SLC25A25: variants seen among roughly 807,000 people sequenced by gnomAD.
The protein encoded by SLC25A25 is solute carrier family 25 member 25.
A neutral mutation model predicts 57.7 loss-of-function variants in SLC25A25; 32 were observed. The observed-to-expected ratio is 0.55, with a 90% confidence interval of 0.42 to 0.74. SLC25A25 has a LOEUF of 0.74. Ranked by LOEUF, SLC25A25 falls within the 30% of genes least tolerant of loss-of-function variation. SLC25A25 has a pLI of 0.00. For synonymous variants in SLC25A25, 306 were observed against 291.2 expected, an observed-to-expected ratio of 1.05 and a Z score of -0.52; for missense variants, 556 against 701.3, an observed-to-expected ratio of 0.79 and a Z score of 2.34.
chr9:128,093,482 C>G (rs1186624252), intron 1 of SLC25A25, among the ~76,000 whole-genome samples: 2 of 152,214 alleles, frequency 1.3e-5, no homozygotes, highest in Non-Finnish European at 2.9e-5. Flanking sequence ...CAGCTCTCCC[C>G]CCAGGGACTG....
At position 128,102,085 on chromosome 9, in the gene SLC25A25, G is replaced by C; in HGVS notation, c.482G>C (p.Arg161Pro). ...ATCCTTTGTCTGTCTGTCAGAATAC[G>C]AACGGGCCATTTCTGGGGCCCTGTC... ...QQAEKILKRI[R>P]TGHFWGPVTY... is the part of the protein sequence containing the mutation. The change falls in exon 4 of 11, where the codon CGA becomes CCA. Residue 161 changes from arginine to proline, a missense_variant. Arg to Pro is a moderately radical substitution (Grantham distance 103, BLOSUM62 -2). Coordinates refer to ENST00000373069, the MANE Select transcript of SLC25A25 (RefSeq NM_001330988.2). This position sits in a 1 kb window ranked among gnomAD's most constrained non-coding sequence, Gnocchi z 4.1. 6.4e-7 allele frequency: 1 copy of C among 1,550,562 alleles called. No individual in the cohort carries two copies. Among genetic ancestry groups the C allele is most frequent in the East Asian group, 2.4e-5 (1 of 40,924 alleles).
intron 1 of SLC25A25, among the ~76,000 whole-genome samples, chr9:128,068,900 C>T (rs1333809323): frequency 6.6e-6 from 1 of 152,192 alleles, no homozygotes; most frequent in Non-Finnish European, 1.5e-5. Context: ...GACCTCAAGG[C>T]CAAGCTGGAC....
intron 1 of SLC25A25, chr9:128,091,813 G>T: frequency 1.3e-6 from 2 of 1,544,920 alleles, no homozygotes; most frequent in Non-Finnish European, 8.7e-7. Flanking sequence ...CGTTGGTACT[G>T]TGGTCACATC....
intron 1 of SLC25A25, among the ~76,000 whole-genome samples, chr9:128,071,567 A>ATTTTTT (rs369801313): frequency 1.5e-5 from 2 of 137,646 alleles, no homozygotes; most frequent in Non-Finnish European, 1.5e-5. Context: ...CGCCCTGCTA[A>ATTTTTT]TTTTTTTTTT....
intron 1 of SLC25A25, among the ~76,000 whole-genome samples, chr9:128,086,865 A>G (rs1029121964): frequency 6.6e-6 from 1 of 152,208 alleles, no homozygotes; most frequent in Non-Finnish European, 1.5e-5. Flanking sequence ...TACACACGTT[A>G]TAAACCCACA....
chr9:128,087,308 G>A (rs1333808650), intron 1 of SLC25A25, among the ~76,000 whole-genome samples: 1 of 152,126 alleles, frequency 6.6e-6, no homozygotes, highest in Non-Finnish European at 1.5e-5. Flanking sequence ...CCAGTCTGGA[G>A]TGCGGTGCAG....
Position 128,099,302 on chromosome 9 carries a change from C to T in SLC25A25, c.262-1794C>T, listed in dbSNP as rs1224822833. 4.7e-6 allele frequency: 6 copies of T among 1,279,718 alleles called. No individual in the cohort carries two copies. Among genetic ancestry groups the T allele is most frequent in the African/African-American group, 3.1e-5 (2 of 64,976 alleles). The allele number at this position is 1,279,718 out of a possible 1,614,324, so 79.3% of individuals were successfully genotyped here. A position where few individuals can be genotyped will look rare whatever the true frequency, so the allele number is the denominator to read the frequency against. ...CCCACTGTGCACCAAGGGGGATTTGCAGATCCAAGGAAGGAGACAGAAGGA... is the reference window on the plus strand; with the variant it reads ...CCCACTGTGCACCAAGGGGGATTTGTAGATCCAAGGAAGGAGACAGAAGGA... On this transcript the variant is annotated intron_variant, in intron 1 of 10. Coordinates refer to ENST00000373069, the MANE Select transcript of SLC25A25 (RefSeq NM_001330988.2). This position sits in a 1 kb window ranked among gnomAD's most constrained non-coding sequence, Gnocchi z 6.8.
At chr9:128,070,573 G>A (rs1258276721) in intron 1 of SLC25A25, among the ~76,000 whole-genome samples, 1 of 151,598 alleles carries the variant, frequency 6.6e-6, no homozygotes, top group African/African-American at 2.4e-5. Context: ...GTTTTGTTTT[G>A]TAATGTTTCC....
intron 1 of SLC25A25, chr9:128,100,884 G>T (rs1220813303): frequency 1.7e-6 from 1 of 599,122 alleles, no homozygotes. Context: ...CCCTTGCCTG[G>T]GTTCTGGCCA....
At chr9:128,086,328 ATT>A (rs35134996) in intron 1 of SLC25A25, among the ~76,000 whole-genome samples, 101 of 95,428 alleles carry the variant, frequency 1.1e-3, no homozygotes, top group Admixed American at 1.5e-3. Flanking sequence ...TACTCGGCTA[ATT>A]TTTTTTTTTT....
rs760534129 is a variant in SLC25A25 at position 128,107,600 on chromosome 9, A to C, written c.*156A>C. On this transcript the variant is annotated 3_prime_UTR_variant, in exon 11 of 11. Transcript: ENST00000373069. ...CGCAGGGAGGGTGGGGAGAGCTGGC[A>C]GGCCCAGGGCTTGTCCTGCTGACCC... The C allele has an allele frequency of 2.4e-5, 21 of 865,044 alleles. No homozygotes were observed. The Admixed American group carries it at 5.3e-4, about 22-fold the overall frequency. 53.6% of individuals were successfully genotyped at this position (865,044 alleles called of 1,614,324 possible).
At chr9:128,074,569 C>T (rs997382637) in intron 1 of SLC25A25, among the ~76,000 whole-genome samples, 2 of 151,414 alleles carry the variant, frequency 1.3e-5, no homozygotes, top group Admixed American at 6.6e-5. Flanking sequence ...ATTAGCCGGG[C>T]GTGGTGGCAC....
intron 1 of SLC25A25, chr9:128,091,651 C>T: frequency 4.1e-6 from 5 of 1,212,152 alleles, no homozygotes; most frequent in Non-Finnish European, 5.1e-6. Flanking sequence ...TTGCCGGCAG[C>T]CTGGCAAGCC....
At chr9:128,098,387 G>A in intron 1 of SLC25A25, 2 of 1,252,784 alleles carry the variant, frequency 1.6e-6, no homozygotes, top group Non-Finnish European at 2.1e-6. Flanking sequence ...TTCATTGGCT[G>A]TTGGCAGGAC....
chr9:128,107,835 A>G lies in SLC25A25; in HGVS notation c.*391A>G. On this transcript the variant is annotated 3_prime_UTR_variant, in exon 11 of 11. Transcript: ENST00000373069. ...GCCCCTGCCCTCTGGTCTGCCGTGC[A>G]TCTCCCTGTGCCCTCTTGCTGCCTG... 1 of 403,814 alleles carries G rather than the reference A, an allele frequency of 2.5e-6. No homozygotes were observed. The highest frequency in any genetic ancestry group is 1.3e-4 in the South Asian group (1 of 7,780). The allele number at this position is 403,814 out of a possible 1,614,324, so 25.0% of individuals were successfully genotyped here. A position where few individuals can be genotyped will look rare whatever the true frequency, so the allele number is the denominator to read the frequency against.
Position 128,106,482 on chromosome 9 carries a change from A to G in SLC25A25, c.1174A>G (p.Ile392Val). The G allele has an allele frequency of 6.2e-7, 1 of 1,611,858 alleles. No individual in the cohort carries two copies. The highest frequency in any genetic ancestry group is 8.5e-7 in the Non-Finnish European group (1 of 1,179,758). ...AGGCTATGTCCCCAACATGCTGGGCATCATCCCCTATGCCGGCATCGACCT... is the reference window on the plus strand; with the variant it reads ...AGGCTATGTCCCCAACATGCTGGGCGTCATCCCCTATGCCGGCATCGACCT... ...YKGYVPNMLG[I>V]IPYAGIDLAV... The change falls in exon 9 of 11, where the codon ATC becomes GTC. Residue 392 changes from isoleucine (I) to valine (V), a missense_variant. Ile to Val is a conservative substitution (Grantham distance 29). This residue lies in a region of SLC25A25 where 294 missense variants were observed against 389.6 expected (regional missense o/e 0.75). Coordinates refer to ENST00000373069, the MANE Select transcript of SLC25A25 (RefSeq NM_001330988.2).
At position 128,068,430 on chromosome 9, in the gene SLC25A25, C is replaced by T; in HGVS notation, c.111C>T (p.Gly37=). The T allele has an allele frequency of 4.5e-6, 7 of 1,558,584 alleles. No homozygotes were observed. The highest frequency in any genetic ancestry group is 6.0e-6 in the Non-Finnish European group (7 of 1,162,992). The change falls in exon 1 of 11, where the codon GGC becomes GGT. Residue 37 remains glycine (G), a synonymous_variant. Transcript: ENST00000373069. ...SSPASVGDPC[G]GAICGGPDHR... is the part of the protein sequence containing the mutation. ...CGGCGTCCGTGGGGGACCCCTGCGG[C>T]GGCGCTATCTGCGGGGGCCCGGACC...
chr9:128,068,550 G>T lies in SLC25A25; in HGVS notation c.231G>T (p.Leu77=), dbSNP rs1832831960. The change falls in exon 1 of 11, where the codon CTG becomes CTT. Residue 77 remains leucine, a synonymous_variant. Coordinates refer to ENST00000373069, the MANE Select transcript of SLC25A25 (RefSeq NM_001330988.2). ...ACCTGGCGGTGGGGCTGCGGCGCCT[G>T]GGACTGCACCGCACCGAGGGCGAGC... The part of the protein sequence containing the change: ...VNDLAVGLRR[L]GLHRTEGELQ... 6.9e-7 allele frequency: 1 copy of T among 1,457,130 alleles called. No individual in the cohort carries two copies. Among genetic ancestry groups the T allele is most frequent in the South Asian group, 1.4e-5 (1 of 71,600 alleles). The allele number at this position is 1,457,130 out of a possible 1,614,324, so 90.3% of individuals were successfully genotyped here.
chr9:128,101,305 G>T lies in SLC25A25; in HGVS notation c.389-4G>T. ...GCTCCTGCTCACGGCCTCTGTTCTT[G>T]CAGGACGCATTGACGCGCAGGAGAT... On this transcript the variant is annotated splice_polypyrimidine_tract_variant and splice_region_variant and intron_variant, in intron 2 of 10. Transcript: ENST00000373069. This position sits in a 1 kb window ranked among gnomAD's most constrained non-coding sequence, Gnocchi z 4.9. 1 of 1,614,260 alleles carries T rather than the reference G, an allele frequency of 6.2e-7. No homozygotes were observed. Among genetic ancestry groups the T allele is most frequent in the Non-Finnish European group, 8.5e-7 (1 of 1,180,048 alleles).
Sources: allele counts gnomAD v4.1 joint callset (sites outside exome capture counted in the v4.1 genomes callset), GRCh38; gene constraint gnomAD v4.1.1; regional missense constraint gnomAD v4.1.1; non-coding constraint Gnocchi (gnomAD v3.1); transcripts MANE v1.5; gene names NCBI Gene and HGNC (gene_info 2026-07-23, HGNC 2026-07-21).